Variants in MYH11 observed in about 807,000 individuals in gnomAD.
MYH11 encodes myosin-11.
A neutral mutation model predicts 246.6 loss-of-function variants in MYH11; 80 were observed. That is an observed-to-expected ratio of 0.32 (90% CI 0.27 to 0.39). MYH11 has a LOEUF of 0.39. MYH11 is among the 10% of genes least tolerant of loss of function. The probability of loss-of-function intolerance (pLI) is 1.00; values close to 1 mark genes in which losing one functional copy is unlikely to be tolerated. For missense variants in MYH11, 2,158 were observed against 2,546.8 expected (o/e 0.85, Z 3.29); for synonymous variants, 1,071 against 1,015.5 (o/e 1.05, Z -1.04).
chr16:15,784,658 G>A (rs1038077892), intron 5 of MYH11: 6 of 1,611,900 alleles, frequency 3.7e-6, no homozygotes, highest in Non-Finnish European at 5.1e-6. Context: ...TTCACTCCGT[G>A]CCTCCCCTAC....
At chr16:15,806,853 C>G (rs2043025474) in intron 3 of MYH11, among the ~76,000 whole-genome samples, 1 of 152,100 alleles carries the variant, frequency 6.6e-6, no homozygotes, top group Admixed American at 6.5e-5. Context: ...AGAGAGGCAA[C>G]CAAGGTAGAA....
chr16:15,731,401 G>A (rs1388623265), intron 27 of MYH11, among the ~76,000 whole-genome samples: 1 of 152,096 alleles, frequency 6.6e-6, no homozygotes. Flanking sequence ...CAGTTTCTTT[G>A]CTTGTAAAAT....
At chr16:15,844,156 C>T (rs2044128678) in intron 1 of MYH11, among the ~76,000 whole-genome samples, 1 of 152,108 alleles carries the variant, frequency 6.6e-6, no homozygotes, top group African/African-American at 2.4e-5. Context: ...AGATCTGACG[C>T]CTGTCTATGG....
chr16:15,850,183 A>G (rs1010345484), intron 1 of MYH11, among the ~76,000 whole-genome samples: 1 of 152,118 alleles, frequency 6.6e-6, no homozygotes, highest in African/African-American at 2.4e-5. Context: ...TCAGTAGTTC[A>G]AGACCAGCCT....
In MYH11 at chr16:15,724,444, G is replaced by A. The variant is rs745426392; in HGVS notation, c.4117-35C>T. 9 of 1,612,414 alleles carry A rather than the reference G, an allele frequency of 5.6e-6. No homozygotes were observed. The Admixed American group carries it at 6.7e-5, about 12-fold the overall frequency. Reference sequence around the variant, plus strand: ...CAGCGTCCAGGGTAGGGTGAGAGGGGGACCATGAGTGGCCCCTGTCCCTGG... The same window carrying A: ...CAGCGTCCAGGGTAGGGTGAGAGGGAGACCATGAGTGGCCCCTGTCCCTGG... On this transcript the variant is annotated intron_variant, in intron 30 of 40. Coordinates refer to ENST00000300036, the MANE Select transcript of MYH11 (RefSeq NM_002474.3).
At chr16:15,771,843 C>A in intron 8 of MYH11, 131 bp from the exon 9 acceptor site, 2 of 1,193,800 alleles carry the variant, frequency 1.7e-6, no homozygotes, top group African/African-American at 3.0e-5. Context: ...CGTTTAAAGC[C>A]CTCACGCATC....
intron 26 of MYH11, among the ~76,000 whole-genome samples, chr16:15,733,509 A>C (rs868237859): frequency 1.1e-4 from 17 of 151,916 alleles, no homozygotes; most frequent in South Asian, 8.3e-4. Context: ...CTGGGATTAC[A>C]GGTGTGAGCC....
At chr16:15,714,604 A>C (rs2040011371) in intron 40 of MYH11, 1 of 522,484 alleles carries the variant, frequency 1.9e-6, no homozygotes, top group Admixed American at 3.2e-5. Context: ...TGATGCAATG[A>C]AGGAGGGGCT....
intron 1 of MYH11, among the ~76,000 whole-genome samples, chr16:15,856,647 G>T (rs2044479010): frequency 6.6e-6 from 1 of 151,798 alleles, no homozygotes. Context: ...GTTTTTCTGG[G>T]GATTCTAGAG....
intron 16 of MYH11, 104 bp from the exon 17 acceptor site, chr16:15,748,272 G>A (rs1241292453): frequency 5.1e-6 from 8 of 1,564,878 alleles, no homozygotes; most frequent in Admixed American, 1.8e-5. Context: ...GGCCATGAGG[G>A]TACCAACAGA....
intron 4 of MYH11, among the ~76,000 whole-genome samples, chr16:15,796,126 A>G (rs1596854546): frequency 6.6e-6 from 1 of 152,184 alleles, no homozygotes; most frequent in Non-Finnish European, 1.5e-5. Context: ...AGTCAGAGGA[A>G]TGGACAGAGA....
chr16:15,827,612 C>T (rs923374673), intron 2 of MYH11, among the ~76,000 whole-genome samples: 29 of 152,226 alleles, frequency 1.9e-4, no homozygotes, highest in African/African-American at 5.8e-4. Context: ...ACACCAGCTG[C>T]AAGTGCCTTG....
chr16:15,751,676 G>T (rs745599187), intron 15 of MYH11, among the ~76,000 whole-genome samples: 1 of 144,264 alleles, frequency 6.9e-6, no homozygotes, highest in Admixed American at 7.1e-5. Context: ...GCAGTGGCAC[G>T]ATCTTGGCTC....
chr16:15,813,364 CA>C (rs1168023346), intron 3 of MYH11, among the ~76,000 whole-genome samples: 1 of 152,030 alleles, frequency 6.6e-6, no homozygotes, highest in Admixed American at 6.6e-5. Context: ...AAAGCAAAAA[CA>C]AAAACAATTT....
At chr16:15,740,029 A>G (rs2041227741) in intron 23 of MYH11, 22 bp downstream of exon 23, 3 of 1,613,100 alleles carry the variant, frequency 1.9e-6, no homozygotes, top group Admixed American at 1.7e-5. Context: ...GGCGTGAGCC[A>G]CTGCACCCGG....
intron 1 of MYH11, among the ~76,000 whole-genome samples, chr16:15,843,141 G>T (rs1383589103): frequency 6.6e-6 from 1 of 152,060 alleles, no homozygotes; most frequent in Admixed American, 6.6e-5. Flanking sequence ...AGGCCCAGGT[G>T]GGCGGACCAC....
Position 15,741,874 on chromosome 16 carries a change from C to T in MYH11, c.2538G>A (p.Gln846=), listed in dbSNP as rs2041285090. Residue 846 remains glutamine (Q), a synonymous_variant, in exon 21 of 41, where the codon CAG becomes CAA. Coordinates refer to ENST00000300036, the MANE Select transcript of MYH11 (RefSeq NM_002474.3). The part of the protein sequence containing the change: ...RLFTKVKPLL[Q]VTRQEEEMQA... ...GCATCTCCTCCTCCTGCCGTGTCAC[C>T]TGCAGCAGTGGCTTCACCTGCACAC... The T allele has an allele frequency of 6.2e-7, 1 of 1,614,238 alleles. No homozygotes were observed. The highest frequency in any genetic ancestry group is 8.5e-7 in the Non-Finnish European group (1 of 1,180,038).
At chr16:15,751,505 G>T (rs78905316) in intron 15 of MYH11, among the ~76,000 whole-genome samples, 1 of 150,674 alleles carries the variant, frequency 6.6e-6, no homozygotes, top group Non-Finnish European at 1.5e-5. Context: ...CACCTCCAAG[G>T]TTCTTTTTCT....
chr16:15,844,462 T>A (rs1310489219), intron 1 of MYH11, among the ~76,000 whole-genome samples: 1 of 152,148 alleles, frequency 6.6e-6, no homozygotes, highest in African/African-American at 2.4e-5. Flanking sequence ...CCTCTCAAAG[T>A]GCTGACATTA....
Sources: gnomAD v4.1 joint callset for allele counts (sites outside exome capture counted in the v4.1 genomes callset) on GRCh38, gnomAD v4.1.1 for gene constraint, MANE v1.5 for transcripts, NCBI Gene and HGNC (gene_info 2026-07-23, HGNC 2026-07-21) for gene names.